ASPG: variants seen among roughly 807,000 people sequenced by gnomAD.
The protein encoded by ASPG is asparaginase.
ASPG carries 53 observed loss-of-function variants against 63.2 expected under a neutral mutation model. The observed-to-expected ratio is 0.84, with a 90% CI of 0.67 to 1.05. The LOEUF is 1.05. ASPG is among the 50% of genes least tolerant of loss of function. The pLI, the probability that ASPG is intolerant of heterozygous loss-of-function variation, is 0.00. For synonymous variants in ASPG, 370 were observed against 355.0 expected, an observed-to-expected ratio of 1.04 and a Z score of -0.48; for missense variants, 741 against 794.4, an observed-to-expected ratio of 0.93 and a Z score of 0.81.
At position 104,104,763 on chromosome 14, in the gene ASPG, C is replaced by T. The variant is rs545301761; in HGVS notation, c.1050+28C>T. On this transcript the variant is annotated intron_variant, in intron 9 of 15. Transcript: ENST00000551177. ...GCGGGCGCTCTCGGGCTGTGGGCAA[C>T]CCTCGGTGTGCACAAGCATGTCAGT... 6 of 1,549,818 alleles carry T rather than the reference C, an allele frequency of 3.9e-6. No homozygotes were observed. In the East Asian group the frequency reaches 1.4e-4, roughly 35 times the overall value.
chr14:104,089,697 T>C (rs1007678607), intron 1 of ASPG, among the ~76,000 whole-genome samples: 28 of 151,952 alleles, frequency 1.8e-4, no homozygotes, highest in African/African-American at 6.8e-4. Context: ...TGGCCAGACA[T>C]GGTGGCTCAG....
intron 14 of ASPG, 33 bp from the exon 15 acceptor site, chr14:104,111,887 C>T (rs772097678): frequency 6.5e-7 from 1 of 1,545,060 alleles, no homozygotes; most frequent in South Asian, 1.2e-5. Flanking sequence ...GTCAGTGGCC[C>T]CAAGGCAGCC....
At chr14:104,100,985 A>AT (rs1482973639) in intron 6 of ASPG, among the ~76,000 whole-genome samples, 4 of 152,162 alleles carry the variant, frequency 2.6e-5, no homozygotes. Context: ...CGTGCTCTGG[A>AT]TTCCAGGGAC....
intron 8 of ASPG, 61 bp from the exon 9 acceptor site, chr14:104,104,561 C>T (rs1316282685): frequency 1.0e-5 from 16 of 1,586,592 alleles, no homozygotes; most frequent in East Asian, 2.3e-5. Flanking sequence ...TCTGACCCAC[C>T]CCTCATGGGC....
At chr14:104,108,718 G>T in intron 12 of ASPG, 1 of 985,344 alleles carries the variant, frequency 1.0e-6, no homozygotes, top group African/African-American at 1.7e-5. Flanking sequence ...CTGTCCGGGT[G>T]CCCTGCCCCC....
chr14:104,092,011 C>T (rs1358361851), intron 1 of ASPG, among the ~76,000 whole-genome samples: 1 of 152,058 alleles, frequency 6.6e-6, no homozygotes, highest in Non-Finnish European at 1.5e-5. Context: ...CCCGTCTGTG[C>T]ACTTGCTGTG....
intron 7 of ASPG, 127 bp from the exon 8 acceptor site, chr14:104,104,177 C>T (rs914075815): frequency 3.2e-5 from 36 of 1,110,542 alleles, no homozygotes; most frequent in Non-Finnish European, 4.2e-5. Flanking sequence ...CCCACTGTCC[C>T]GGGAGCAGAG....
chr14:104,105,413 G>T lies in ASPG; in HGVS notation c.1136G>T (p.Gly379Val). 1 of 1,610,730 alleles carries T rather than the reference G, an allele frequency of 6.2e-7. No homozygotes were observed. Among genetic ancestry groups the T allele is most frequent in the Non-Finnish European group, 8.5e-7 (1 of 1,178,914 alleles). ...TCACTGCAGGGCAACACGCTGGGCG[G>T]TGGGGTCTCCTGGCTCCTCAGTCTG... ...RPSLQGNTLG[G>V]GVSWLLSLSG... is the part of the protein sequence containing the mutation. The change falls in exon 10 of 16, where the codon GGT becomes GTT. Residue 379 changes from glycine (G) to valine (V), a missense_variant. Gly to Val is a moderately radical substitution (Grantham distance 109). Coordinates refer to ENST00000551177, the MANE Select transcript of ASPG (RefSeq NM_001080464.3).
chr14:104,096,577 C>T (rs1383957467), intron 4 of ASPG, among the ~76,000 whole-genome samples: 3 of 152,174 alleles, frequency 2.0e-5, no homozygotes, highest in Non-Finnish European at 4.4e-5. Flanking sequence ...TTCTCCTCTT[C>T]CCAGACCTTC....
rs750020584 is a variant in ASPG, at chr14:104,109,248, T to C, written c.1453T>C (p.Leu485=). The change falls in exon 13 of 16, where the codon TTG becomes CTG. Residue 485 remains leucine (L), a synonymous_variant. Coordinates refer to ENST00000551177, the MANE Select transcript of ASPG (RefSeq NM_001080464.3). The surrounding 1 kb of genome is among the most constrained non-coding windows in gnomAD (Gnocchi z 4.8). ...ACACAGGCATCCGGGTGTCATTGGG[T>C]TGCTGCGGGAAGCCGGGGCCTCCCT... ...VRGRHPGVIG[L]LREAGASLST... 22 of 1,613,154 alleles carry C rather than the reference T, an allele frequency of 1.4e-5. No individual in the cohort carries two copies. In the African/African-American group the frequency reaches 1.9e-4, roughly 14 times the overall value.
chr14:104,115,423 A>G lies in ASPG; in HGVS notation c.*2879A>G, dbSNP rs750062. On this transcript the variant is annotated 3_prime_UTR_variant, in exon 16 of 16. Coordinates refer to ENST00000551177, the MANE Select transcript of ASPG (RefSeq NM_001080464.3). ...CTGCCCAGGACTGGGCTAGACCAGA[A>G]CTTAGAATTAAGGAGTGGTGGCCAG... 97,276 of 152,138 alleles carry G rather than the reference A, an allele frequency of 0.64. 34,522 individuals are homozygous for G. The highest frequency in any genetic ancestry group is 0.81 in the Non-Finnish European group (54,917 of 68,032). 9.4% of individuals were successfully genotyped at this position (152,138 alleles called of 1,614,324 possible).
At position 104,103,675 on chromosome 14, in the gene ASPG, G is replaced by A; in HGVS notation, c.753G>A (p.Leu251=). The A allele has an allele frequency of 1.3e-6, 2 of 1,547,062 alleles. No homozygotes were observed. The highest frequency in any genetic ancestry group is 1.7e-6 in the Non-Finnish European group (2 of 1,146,236). Residue 251 remains leucine (L), a splice_region_variant and synonymous_variant, in exon 7 of 16, where the codon CTG becomes CTA. Coordinates refer to ENST00000551177, the MANE Select transcript of ASPG (RefSeq NM_001080464.3). ...LRLYPGIPAA[L]VRAFLQPPLK... ...TCTACCCTGGGATCCCTGCCGCCCT[G>A]GTAGGGACCGCCCCGGCCATCCTGC...
Position 104,110,124 on chromosome 14 carries a change from A to C in ASPG, c.1520+809A>C. On this transcript the variant is annotated intron_variant, in intron 13 of 15. Coordinates refer to ENST00000551177, the MANE Select transcript of ASPG (RefSeq NM_001080464.3). The surrounding 1 kb of genome is among the most constrained non-coding windows in gnomAD (Gnocchi z 4.7). Reference sequence around the variant, plus strand: ...CAGGACGACTCCGAGGGACCCAAAAAGGAGAGTCGGAGGCAGGAGACCTGG... The same window carrying C: ...CAGGACGACTCCGAGGGACCCAAAACGGAGAGTCGGAGGCAGGAGACCTGG... 2 of 985,182 alleles carry C rather than the reference A, an allele frequency of 2.0e-6. No individual in the cohort carries two copies. The highest frequency in any genetic ancestry group is 2.4e-6 in the Non-Finnish European group (2 of 829,860). The allele number at this position is 985,182 out of a possible 1,614,324, so 61.0% of individuals were successfully genotyped here.
At position 104,091,233 on chromosome 14, in the gene ASPG, T is replaced by C. The variant is rs1566823162; in HGVS notation, c.83-1400T>C. Among the ~76,000 whole-genome samples, 1 of 151,582 alleles carries C rather than the reference T, an allele frequency of 6.6e-6. No homozygotes were observed. The highest frequency in any genetic ancestry group is 1.9e-4 in the East Asian group (1 of 5,138). ...TGAGACAGGGACACTTGGACACCGG[T>C]GTGGGGTGGACCCTGAGCCCCCTGG... On this transcript the variant is annotated intron_variant, in intron 1 of 15. Transcript: ENST00000551177. This position sits in a 1 kb window ranked among gnomAD's most constrained non-coding sequence, Gnocchi z 6.4.
intron 2 of ASPG, chr14:104,092,978 C>G: frequency 1.8e-6 from 1 of 562,934 alleles, no homozygotes; most frequent in Non-Finnish European, 3.2e-6. Flanking sequence ...CCCACACCCC[C>G]AGCCAGGCTG....
At chr14:104,096,803 C>T (rs1028103919) in intron 4 of ASPG, among the ~76,000 whole-genome samples, 7 of 152,180 alleles carry the variant, frequency 4.6e-5, no homozygotes, top group African/African-American at 1.7e-4. Flanking sequence ...GAGGGCTGAG[C>T]CAGGGAGCAC....
chr14:104,115,400 G>C lies in ASPG; in HGVS notation c.*2856G>C, dbSNP rs1467752572. ...AGTGGCTGTGCGTCGGGAAGAGTCT[G>C]CCCAGGACTGGGCTAGACCAGAACT... On this transcript the variant is annotated 3_prime_UTR_variant, in exon 16 of 16. Transcript: ENST00000551177. 6.6e-6 allele frequency: 1 copy of C among 152,214 alleles called. No homozygotes were observed. The highest frequency in any genetic ancestry group is 1.5e-5 in the Non-Finnish European group (1 of 68,070). The allele number at this position is 152,214 out of a possible 1,614,324, so 9.4% of individuals were successfully genotyped here.
At position 104,091,774 on chromosome 14, in the gene ASPG, G is replaced by T. The variant is rs1038024177; in HGVS notation, c.83-859G>T. ...GGGGGGAAAGCAGGTGACCATGGCT[G>T]GGATCTGCAGGATAGGATGGGGCAT... On this transcript the variant is annotated intron_variant, in intron 1 of 15. Coordinates refer to ENST00000551177, the MANE Select transcript of ASPG (RefSeq NM_001080464.3). This position sits in a 1 kb window ranked among gnomAD's most constrained non-coding sequence, Gnocchi z 6.4. 5.9e-5 allele frequency among the ~76,000 whole-genome samples: 9 copies of T among 151,810 alleles called. No homozygotes were observed. The highest frequency in any genetic ancestry group is 4.2e-4 in the South Asian group (2 of 4,748).
At position 104,113,575 on chromosome 14, in the gene ASPG, T is replaced by G. The variant is rs1463309045; in HGVS notation, c.*1031T>G. 5 of 152,476 alleles carry G rather than the reference T, an allele frequency of 3.3e-5. No individual in the cohort carries two copies. In the East Asian group the frequency reaches 9.6e-4, roughly 29 times the overall value. The allele number at this position is 152,476 out of a possible 1,614,324, so 9.4% of individuals were successfully genotyped here. Reference sequence around the variant, plus strand: ...CATGGGGGCTGCCTCCCTCCAGGCCTCTCTACCTGCCCAGGTGACGGTTCC... The same window carrying G: ...CATGGGGGCTGCCTCCCTCCAGGCCGCTCTACCTGCCCAGGTGACGGTTCC... On this transcript the variant is annotated 3_prime_UTR_variant, in exon 16 of 16. Coordinates refer to ENST00000551177, the MANE Select transcript of ASPG (RefSeq NM_001080464.3).
Sources: allele counts gnomAD v4.1 joint callset (sites outside exome capture counted in the v4.1 genomes callset), GRCh38; gene constraint gnomAD v4.1.1; non-coding constraint Gnocchi (gnomAD v3.1); transcripts MANE v1.5; gene names NCBI Gene and HGNC (gene_info 2026-07-23, HGNC 2026-07-21).